Variants in DBF4 observed in about 807,000 individuals in gnomAD.
DBF4 encodes the protein protein DBF4 homolog A.
A neutral mutation model predicts 76.6 loss-of-function variants in DBF4; 25 were observed. That is an observed-to-expected ratio of 0.33 (90% confidence interval 0.24 to 0.46). The LOEUF (loss-of-function observed/expected upper bound fraction) is 0.46, where lower values mean the gene tolerates loss of function less well. DBF4 is among the 20% of genes least tolerant of loss of function. The pLI is 1.00. For missense variants in DBF4, 638 were observed against 760.8 expected, an observed-to-expected ratio of 0.84 and a Z score of 1.90; for synonymous variants, 213 against 258.0, an observed-to-expected ratio of 0.83 and a Z score of 1.67.
At chr7:87,906,530 G>A (rs1390272531) in intron 11 of DBF4, among the ~76,000 whole-genome samples, 1 of 151,912 alleles carries the variant, frequency 6.6e-6, no homozygotes, top group African/African-American at 2.4e-5. Flanking sequence ...TATTATTTAG[G>A]TTTGTCTAAT....
In DBF4 at chr7:87,900,866, A is replaced by C. The variant is rs747376251; in HGVS notation, c.912A>C (p.Glu304Asp). The C allele has an allele frequency of 1.9e-6, 3 of 1,611,884 alleles. No homozygotes were observed. Among genetic ancestry groups the C allele is most frequent in the African/African-American group, 2.7e-5 (2 of 74,874 alleles). ...GYCECCLQKYEDLETHLLSEQ... is the reference protein window; with the variant it reads ...GYCECCLQKYDDLETHLLSEQ... ...GTGAATGTTGCTTGCAGAAATATGA[A>C]GATCTAGAAACTGTAAATGTGATTT... Residue 304 changes from glutamate to aspartate, a missense_variant, in exon 10 of 12, where the codon GAA (glutamate) becomes GAC (aspartate). Glu to Asp is a conservative substitution (Grantham distance 45). Transcript: ENST00000265728.
intron 6 of DBF4, among the ~76,000 whole-genome samples, chr7:87,891,117 G>T (rs1237006019): frequency 2.0e-5 from 3 of 150,788 alleles, no homozygotes; most frequent in South Asian, 2.1e-4. Context: ...ATGGTAATTG[G>T]ATAAAGGTAT....
chr7:87,892,075 C>T (rs1359263204), intron 6 of DBF4, among the ~76,000 whole-genome samples: 1 of 151,964 alleles, frequency 6.6e-6, no homozygotes, highest in Non-Finnish European at 1.5e-5. Context: ...TTGTTATAAT[C>T]GATGAACTTA....
At position 87,907,573 on chromosome 7, in the gene DBF4, G is replaced by A. The variant is rs753784125; in HGVS notation, c.1435G>A (p.Val479Ile). The change falls in exon 12 of 12, where the codon GTA (valine) becomes ATA (isoleucine). Residue 479 changes from valine to isoleucine, a missense_variant. By Grantham distance (29) the Val-to-Ile change is conservative. Transcript: ENST00000265728. ...TGAAAATGACTTAGAAGAACTAAGGGTAGATCACTATAAATGTAACATACA... is the reference window on the plus strand; with the variant it reads ...TGAAAATGACTTAGAAGAACTAAGGATAGATCACTATAAATGTAACATACA... ...LSENDLEELRVDHYKCNIQAS... is the reference protein window; with the variant it reads ...LSENDLEELRIDHYKCNIQAS... 18 of 1,613,944 alleles carry A rather than the reference G, an allele frequency of 1.1e-5. No homozygotes were observed.
chr7:87,892,545 T>C (rs1179067029), intron 6 of DBF4, among the ~76,000 whole-genome samples: 1 of 152,224 alleles, frequency 6.6e-6, no homozygotes, highest in Non-Finnish European at 1.5e-5. Flanking sequence ...AATGTAAATA[T>C]CCACGTGCAG....
chr7:87,880,456 T>TA (rs796426136), intron 2 of DBF4, among the ~76,000 whole-genome samples: 3 of 152,322 alleles, frequency 2.0e-5, no homozygotes, highest in African/African-American at 4.8e-5. Context: ...AACTTTCTCC[T>TA]AAAAAATGTC....
At chr7:87,896,890 G>T (rs761219255) in intron 7 of DBF4, among the ~76,000 whole-genome samples, 58 of 152,338 alleles carry the variant, frequency 3.8e-4, no homozygotes, top group Non-Finnish European at 7.5e-4. Context: ...ATCTGCTCAA[G>T]CAGTTCATAA....
Position 87,907,451 on chromosome 7 carries a change from G to A in DBF4, c.1313G>A (p.Ser438Asn), listed in dbSNP as rs766417298. ...ATGAGTAATAAATGTTCCATGTTAAGTACAGCTGAAGATGACATAAGACAG... is the reference window on the plus strand; with the variant it reads ...ATGAGTAATAAATGTTCCATGTTAAATACAGCTGAAGATGACATAAGACAG... The part of the protein sequence containing the change: ...EKMSNKCSML[S>N]TAEDDIRQNF... The change falls in exon 12 of 12, where the codon AGT becomes AAT. Residue 438 changes from serine (S) to asparagine (N), a missense_variant. Ser to Asn is a conservative substitution (Grantham distance 46, BLOSUM62 1). Coordinates refer to ENST00000265728, the MANE Select transcript of DBF4 (RefSeq NM_006716.4). 3 of 1,613,894 alleles carry A rather than the reference G, an allele frequency of 1.9e-6. No homozygotes were observed. The African/African-American group carries it at 4.0e-5, about 22-fold the overall frequency.
rs1041636064 is a variant in DBF4, at chr7:87,908,460, T to G, written c.*297T>G. ...TGAAAACCACCAGTGAAGTGCAATTTGGGGAATATCAAACTTAGCATTATA... is the reference window on the plus strand; with the variant it reads ...TGAAAACCACCAGTGAAGTGCAATTGGGGGAATATCAAACTTAGCATTATA... On this transcript the variant is annotated 3_prime_UTR_variant, in exon 12 of 12. Coordinates refer to ENST00000265728, the MANE Select transcript of DBF4 (RefSeq NM_006716.4). 3 of 200,458 alleles carry G rather than the reference T, an allele frequency of 1.5e-5. No individual in the cohort carries two copies. Among genetic ancestry groups the G allele is most frequent in the Admixed American group, 1.2e-4 (2 of 17,118 alleles). 12.4% of individuals were successfully genotyped at this position (200,458 alleles called of 1,614,324 possible).
intron 2 of DBF4, among the ~76,000 whole-genome samples, chr7:87,879,532 C>T (rs535413031): frequency 6.6e-6 from 1 of 151,962 alleles, no homozygotes; most frequent in Admixed American, 6.6e-5. Flanking sequence ...TAAAAAATAC[C>T]CCTTCATCTT....
At chr7:87,876,925 C>A in intron 1 of DBF4, 147 bp downstream of exon 1, 1 of 849,552 alleles carries the variant, frequency 1.2e-6, no homozygotes, top group Non-Finnish European at 1.9e-6. Context: ...AGCCCCCGTT[C>A]AGTGTTTTGC....
At chr7:87,890,532 CA>C (rs1026252238) in intron 6 of DBF4, among the ~76,000 whole-genome samples, 3 of 151,996 alleles carry the variant, frequency 2.0e-5, no homozygotes, top group African/African-American at 7.3e-5. Flanking sequence ...GACTCCATCT[CA>C]AAATAAATAA....
rs568426200 is a variant in DBF4 at position 87,904,270 on chromosome 7, CAT to C, written c.925-21_925-20del. The C allele has an allele frequency of 4.0e-3, 6,348 of 1,571,176 alleles. 23 individuals carry two copies. The highest frequency in any genetic ancestry group is 4.2e-3 in the Non-Finnish European group (4,879 of 1,164,002). On this transcript the variant is annotated intron_variant, in intron 10 of 11. Transcript: ENST00000265728. The stretch of plus-strand genomic sequence containing the variant: ...TGATTTTAAATACAATTTTTTGATA[CAT>C]GTTTTTAATTTTGTTTTAGCACCTT...
At position 87,885,067 on chromosome 7, in the gene DBF4, C is replaced by T; in HGVS notation, c.308C>T (p.Ser103Phe). Reference protein sequence around the residue: ...AKFAQTLGRISPVPSPESAYT... With the variant: ...AKFAQTLGRIFPVPSPESAYT... ...TTTGCACAAACCTTGGGTCGAATTT[C>T]TCCTGTACCAAGTCCAGAATCTGCA... is the stretch of plus-strand genomic sequence containing the variant. Residue 103 changes from serine (S) to phenylalanine (F), a missense_variant, in exon 3 of 12, where the codon TCT (serine) becomes TTT (phenylalanine). Physicochemically the swap from Ser to Phe is radical, Grantham distance 155 (BLOSUM62 -2). Coordinates refer to ENST00000265728, the MANE Select transcript of DBF4 (RefSeq NM_006716.4). 6.2e-7 allele frequency: 1 copy of T among 1,613,882 alleles called. No individual in the cohort carries two copies. The highest frequency in any genetic ancestry group is 8.5e-7 in the Non-Finnish European group (1 of 1,179,762).
At chr7:87,906,576 T>C (rs1839921349) in intron 11 of DBF4, among the ~76,000 whole-genome samples, 1 of 152,166 alleles carries the variant, frequency 6.6e-6, no homozygotes, top group African/African-American at 2.4e-5. Flanking sequence ...AGATGCTCCA[T>C]GAAGAAAATA....
At chr7:87,905,107 C>T (rs1164223406) in intron 11 of DBF4, among the ~76,000 whole-genome samples, 2 of 152,178 alleles carry the variant, frequency 1.3e-5, no homozygotes, top group African/African-American at 2.4e-5. Flanking sequence ...TGTGCCACTA[C>T]ACCCCACTAA....
intron 8 of DBF4, 150 bp from the exon 9 acceptor site, chr7:87,900,071 G>A: frequency 1.6e-6 from 1 of 630,672 alleles, no homozygotes; most frequent in East Asian, 3.2e-5. Flanking sequence ...GTTAAAAATT[G>A]TTAGGCCTGA....
intron 6 of DBF4, among the ~76,000 whole-genome samples, chr7:87,890,184 A>G (rs1839449584): frequency 6.6e-6 from 1 of 152,176 alleles, no homozygotes; most frequent in African/African-American, 2.4e-5. Flanking sequence ...TCTTAAAAAT[A>G]TTGATCACAA....
intron 8 of DBF4, 65 bp from the exon 9 acceptor site, chr7:87,900,156 A>G: frequency 1.5e-6 from 2 of 1,347,290 alleles, no homozygotes; most frequent in Non-Finnish European, 2.0e-6. Flanking sequence ...TTTGAAATAC[A>G]AAACTTTAAA....
Sources: gnomAD v4.1 joint callset for allele counts (sites outside exome capture counted in the v4.1 genomes callset) on GRCh38, gnomAD v4.1.1 for gene constraint, MANE v1.5 for transcripts, NCBI Gene and HGNC (gene_info 2026-07-23, HGNC 2026-07-21) for gene names.